Variants in CD2AP observed in about 807,000 individuals in gnomAD.
CD2AP encodes the protein CD2 associated protein, also known as CD2-associated protein.
In CD2AP, 46 loss-of-function variants were observed where a neutral mutation model predicts 85.1. The ratio of observed to expected loss-of-function variants is 0.54; its 90% CI spans 0.43 to 0.69. The LOEUF (loss-of-function observed/expected upper bound fraction) is 0.69. Among genes scored for constraint, CD2AP ranks in the 30% least tolerant of loss-of-function variants. The pLI is 0.00. For synonymous variants in CD2AP, 255 were observed against 252.9 expected (o/e 1.01, Z -0.08); for missense variants, 769 against 729.5 (o/e 1.05, Z -0.62).
At chr6:47,543,852 A>G (rs1767298832) in intron 3 of CD2AP, among the ~76,000 whole-genome samples, 1 of 152,190 alleles carries the variant, frequency 6.6e-6, no homozygotes, top group Non-Finnish European at 1.5e-5. Flanking sequence ...GAGATACTAC[A>G]TATCTCACAA....
chr6:47,513,721 A>G (rs1279109549), intron 2 of CD2AP, among the ~76,000 whole-genome samples: 1 of 152,048 alleles, frequency 6.6e-6, no homozygotes, highest in East Asian at 1.9e-4. Flanking sequence ...ATTTTTAGCT[A>G]TTAGAACTTC....
chr6:47,491,824 A>T (rs544967229), intron 1 of CD2AP, among the ~76,000 whole-genome samples: 136 of 152,126 alleles, frequency 8.9e-4, no homozygotes, highest in African/African-American at 2.6e-3. Flanking sequence ...GATTTTTTTT[A>T]AAAAAGTTAT....
intron 14 of CD2AP, 53 bp from the exon 15 acceptor site, chr6:47,607,874 C>G: frequency 8.3e-7 from 1 of 1,201,886 alleles, no homozygotes; most frequent in South Asian, 1.3e-5. Context: ...AGACTTACTA[C>G]CTTTTCTTTT....
At chr6:47,481,675 GT>G (rs1210939452) in intron 1 of CD2AP, among the ~76,000 whole-genome samples, 1 of 152,064 alleles carries the variant, frequency 6.6e-6, no homozygotes, top group African/African-American at 2.4e-5. Context: ...CAAATTTGTG[GT>G]TGGTTTAGAT....
intron 2 of CD2AP, among the ~76,000 whole-genome samples, chr6:47,519,476 T>TA (rs1426288883): frequency 6.6e-6 from 1 of 152,052 alleles, no homozygotes; most frequent in Non-Finnish European, 1.5e-5. Flanking sequence ...CTGTTTGACT[T>TA]CTTTTGATGA....
intron 2 of CD2AP, among the ~76,000 whole-genome samples, chr6:47,514,565 A>G (rs1766403612): frequency 6.6e-6 from 1 of 152,220 alleles, no homozygotes; most frequent in South Asian, 2.1e-4. Context: ...ATTCCAGTAA[A>G]CAAATGCTTA....
Position 47,543,620 on chromosome 6 carries a change from T to C in CD2AP, c.320-986T>C, listed in dbSNP as rs565851385. Among the ~76,000 whole-genome samples the C allele has an allele frequency of 3.9e-5, 6 of 152,310 alleles. No homozygotes were observed. In the East Asian group the frequency reaches 7.7e-4, roughly 20 times the overall value. ...TTTCTCACTTGGTCTTTCCTTTGTA[T>C]TGGAGGGTTGGGGAGGGCAATGGTG... On this transcript the variant is annotated intron_variant, in intron 3 of 17. Coordinates refer to ENST00000359314, the MANE Select transcript of CD2AP (RefSeq NM_012120.3).
intron 11 of CD2AP, among the ~76,000 whole-genome samples, chr6:47,585,297 C>T (rs1388645350): frequency 1.3e-5 from 2 of 150,108 alleles, no homozygotes; most frequent in East Asian, 2.0e-4. Context: ...AGCAAGACTC[C>T]GTCTCAAAAA....
At chr6:47,557,597 G>T (rs943530933) in intron 5 of CD2AP, among the ~76,000 whole-genome samples, 1 of 152,100 alleles carries the variant, frequency 6.6e-6, no homozygotes, top group Non-Finnish European at 1.5e-5. Flanking sequence ...TTTCCCCATT[G>T]CTGGTTTTTG....
chr6:47,593,101 A>T (rs955343013), intron 11 of CD2AP, among the ~76,000 whole-genome samples: 1 of 152,076 alleles, frequency 6.6e-6, no homozygotes, highest in Admixed American at 6.6e-5. Context: ...ATTATAGGAC[A>T]CTCAGCTGGT....
intron 11 of CD2AP, among the ~76,000 whole-genome samples, chr6:47,593,305 A>C (rs1340683470): frequency 6.6e-6 from 1 of 152,178 alleles, no homozygotes; most frequent in Admixed American, 6.6e-5. Flanking sequence ...GTAAAAAGAC[A>C]ACTTACAAAA....
intron 11 of CD2AP, among the ~76,000 whole-genome samples, chr6:47,587,765 A>G (rs1176171242): frequency 1.3e-5 from 2 of 152,176 alleles, no homozygotes; most frequent in East Asian, 1.9e-4. Flanking sequence ...TTCTTATAAA[A>G]TCACTAAAAT....
intron 3 of CD2AP, among the ~76,000 whole-genome samples, chr6:47,542,820 G>A (rs1767252233): frequency 6.6e-6 from 1 of 152,092 alleles, no homozygotes; most frequent in South Asian, 2.1e-4. Flanking sequence ...TAAGTACAGG[G>A]TGCTAGAGTA....
chr6:47,593,608 T>TCA (rs1297681883), intron 11 of CD2AP, among the ~76,000 whole-genome samples: 2 of 151,982 alleles, frequency 1.3e-5, no homozygotes, highest in South Asian at 4.2e-4. Context: ...GAGCACCACT[T>TCA]CACACCCACT....
Position 47,624,356 on chromosome 6 carries a change from C to A in CD2AP, c.*129C>A. 1 of 750,630 alleles carries A rather than the reference C, an allele frequency of 1.3e-6. No homozygotes were observed. The highest frequency in any genetic ancestry group is 2.3e-6 in the Non-Finnish European group (1 of 427,530). 46.5% of individuals were successfully genotyped at this position (750,630 alleles called of 1,614,324 possible). On this transcript the variant is annotated 3_prime_UTR_variant, in exon 18 of 18. Coordinates refer to ENST00000359314, the MANE Select transcript of CD2AP (RefSeq NM_012120.3). Reference sequence around the variant, plus strand: ...AATATGAGCAAATGAAGTGTAATATCTATAGAAAAGTAGAGTGAGGGTGAA... The same window carrying A: ...AATATGAGCAAATGAAGTGTAATATATATAGAAAAGTAGAGTGAGGGTGAA...
At position 47,544,687 on chromosome 6, in the gene CD2AP, T is replaced by A. The variant is rs886061519; in HGVS notation, c.401T>A (p.Ile134Asn). The A allele has an allele frequency of 1.0e-5, 16 of 1,607,050 alleles. No homozygotes were observed. The highest frequency in any genetic ancestry group is 1.7e-5 in the Admixed American group (1 of 60,002). Residue 134 changes from isoleucine to asparagine, a missense_variant, in exon 4 of 18, where the codon ATT becomes AAT. By Grantham distance (149) the Ile-to-Asn change is moderately radical. Transcript: ENST00000359314. ...GAACTGGAGCTGAAAGTGGGAGATA[T>A]TATTGATATTAATGAAGAGGTAAGG... is the stretch of plus-strand genomic sequence containing the variant. ...EDELELKVGD[I>N]IDINEEVEEG... is the part of the protein sequence containing the mutation.
chr6:47,574,029 A>C (rs371396990), intron 5 of CD2AP, 35 bp from the exon 6 acceptor site: 1 of 1,565,960 alleles, frequency 6.4e-7, no homozygotes, highest in Non-Finnish European at 8.8e-7. Flanking sequence ...TTGTGATTCT[A>C]GGTGTCATTC....
At chr6:47,621,010 C>T (rs1769731036) in intron 17 of CD2AP, among the ~76,000 whole-genome samples, 1 of 152,154 alleles carries the variant, frequency 6.6e-6, no homozygotes, top group Non-Finnish European at 1.5e-5. Flanking sequence ...TTGACTTCCT[C>T]TTTATTGATT....
At chr6:47,589,427 TATACACAC>T (rs888166518) in intron 11 of CD2AP, among the ~76,000 whole-genome samples, 1 of 136,480 alleles carries the variant, frequency 7.3e-6, no homozygotes, top group African/African-American at 2.6e-5. Flanking sequence ...TATACACAAA[TATACACAC>T]ATACACACAC....
Sources: allele counts gnomAD v4.1 joint callset (sites outside exome capture counted in the v4.1 genomes callset), GRCh38; gene constraint gnomAD v4.1.1; transcripts MANE v1.5; gene names NCBI Gene and HGNC (gene_info 2026-07-23, HGNC 2026-07-21).